RBFOX3: variants seen among roughly 807,000 people sequenced by gnomAD.
RBFOX3 encodes RNA binding fox-1 homolog 3, also known as RNA binding protein fox-1 homolog 3.
Under a neutral mutation model 48.7 loss-of-function variants are expected in RBFOX3, and 17 were observed. The observed-to-expected ratio is 0.35, with a 90% CI of 0.24 to 0.52. The LOEUF is 0.52. Among genes scored for constraint, RBFOX3 ranks in the 20% least tolerant of loss-of-function variants. RBFOX3 has a pLI of 0.94. For synonymous variants in RBFOX3, 212 were observed against 209.5 expected (o/e 1.01, Z -0.10); for missense variants, 382 against 497.5 (o/e 0.77, Z 2.21).
At chr17:79,213,629 C>T (rs1173647376) in intron 4 of RBFOX3, among the ~76,000 whole-genome samples, 1 of 152,220 alleles carries the variant, frequency 6.6e-6, no homozygotes, top group Non-Finnish European at 1.5e-5. Flanking sequence ...CTAAGTCCTT[C>T]CATCTTGGAT....
chr17:79,345,255 G>C (rs747122678), intron 2 of RBFOX3, among the ~76,000 whole-genome samples: 2 of 152,204 alleles, frequency 1.3e-5, no homozygotes, highest in South Asian at 4.1e-4. Context: ...TACGTGCATA[G>C]AGTTGCCTGT....
At chr17:79,462,077 A>G (rs1330767093) in intron 2 of RBFOX3, among the ~76,000 whole-genome samples, 1 of 152,236 alleles carries the variant, frequency 6.6e-6, no homozygotes, top group Non-Finnish European at 1.5e-5. Flanking sequence ...ACCTGCTAAC[A>G]AACTGTACAA....
At chr17:79,124,195 C>T (rs747122459) in intron 4 of RBFOX3, among the ~76,000 whole-genome samples, 33 of 152,326 alleles carry the variant, frequency 2.2e-4, no homozygotes, top group Middle Eastern at 3.4e-3. Context: ...CCACAGGAAT[C>T]GGCAAAGGCT....
chr17:79,094,585 A>G, intron 13 of RBFOX3, 56 bp from the exon 14 acceptor site: 3 of 774,460 alleles, frequency 3.9e-6, no homozygotes, highest in South Asian at 2.2e-5. Context: ...GGGGCAGGTG[A>G]GGGGCAGCAA....
intron 2 of RBFOX3, among the ~76,000 whole-genome samples, chr17:79,467,510 G>A (rs1476297932): frequency 6.6e-6 from 1 of 152,158 alleles, no homozygotes; most frequent in Non-Finnish European, 1.5e-5. Context: ...TGTCCCGGGG[G>A]CATGTCCCAG....
chr17:79,604,218 C>T (rs1197463836), intron 1 of RBFOX3, among the ~76,000 whole-genome samples: 2 of 152,338 alleles, frequency 1.3e-5, no homozygotes, highest in East Asian at 1.9e-4. Flanking sequence ...TGAGTGAAGA[C>T]TCAGCCACAC....
At chr17:79,430,269 CAAATAAATAAATAAAT>C (rs56370699) in intron 2 of RBFOX3, among the ~76,000 whole-genome samples, 7 of 144,016 alleles carry the variant, frequency 4.9e-5, no homozygotes, top group East Asian at 2.0e-4. Flanking sequence ...AAACATCTTC[CAAATAAATAAATAAAT>C]AAATAAATAA....
chr17:79,620,225 GCA>G, the RBFOX3 span, among the ~76,000 whole-genome samples: 14 of 141,172 alleles, frequency 9.9e-5, no homozygotes, highest in East Asian at 4.5e-4. Context: ...ACAGGGACAT[GCA>G]CACACGCACA....
chr17:79,550,106 G>A (rs1285230559), intron 1 of RBFOX3, among the ~76,000 whole-genome samples: 2 of 152,174 alleles, frequency 1.3e-5, no homozygotes, highest in Non-Finnish European at 2.9e-5. Flanking sequence ...TCCCCAGCCA[G>A]GGCCCTGTCA....
intron 3 of RBFOX3, among the ~76,000 whole-genome samples, chr17:79,287,916 C>G (rs1272297243): frequency 6.6e-6 from 1 of 152,188 alleles, no homozygotes. Flanking sequence ...ACGTCGCAGA[C>G]AGTGAGTGCG....
chr17:79,414,754 C>G (rs947890083), intron 2 of RBFOX3, among the ~76,000 whole-genome samples: 21 of 152,140 alleles, frequency 1.4e-4, no homozygotes, highest in African/African-American at 4.6e-4. Flanking sequence ...CACGGGAGGA[C>G]TGAACAGCCT....
chr17:79,414,410 G>C (rs1344074393), intron 2 of RBFOX3, among the ~76,000 whole-genome samples: 1 of 152,150 alleles, frequency 6.6e-6, no homozygotes, highest in East Asian at 1.9e-4. Flanking sequence ...TCCATAGGAA[G>C]ATGGATTAAC....
the RBFOX3 span, among the ~76,000 whole-genome samples, chr17:79,622,280 C>G: frequency 2.6e-5 from 4 of 152,192 alleles, no homozygotes; most frequent in East Asian, 3.9e-4. Flanking sequence ...GTGGCAGGAC[C>G]GAGCCCCCTC....
chr17:79,378,128 T>C (rs557222923), intron 2 of RBFOX3, among the ~76,000 whole-genome samples: 17 of 152,054 alleles, frequency 1.1e-4, no homozygotes, highest in African/African-American at 3.9e-4. Flanking sequence ...ATCCATCTCA[T>C]AGGGGGGGCG....
intron 1 of RBFOX3, chr17:79,599,444 T>C (rs1224855178): frequency 6.6e-6 from 1 of 152,310 alleles, no homozygotes. Flanking sequence ...GGGGTGTACA[T>C]GTGCTCACAC....
At chr17:79,152,338 A>AAGGTGG (rs2044721270) in intron 4 of RBFOX3, among the ~76,000 whole-genome samples, 1 of 152,162 alleles carries the variant, frequency 6.6e-6, no homozygotes, top group African/African-American at 2.4e-5. Flanking sequence ...CGGGTCAGCA[A>AAGGTGG]ACGTGGACAC....
At chr17:79,553,525 T>G (rs1349638848) in intron 1 of RBFOX3, among the ~76,000 whole-genome samples, 1 of 152,262 alleles carries the variant, frequency 6.6e-6, no homozygotes, top group Admixed American at 6.5e-5. Flanking sequence ...TGTGGAACAC[T>G]TTAATTAGCA....
intron 3 of RBFOX3, among the ~76,000 whole-genome samples, chr17:79,269,140 C>T (rs549669971): frequency 5.6e-4 from 85 of 152,340 alleles, no homozygotes; most frequent in African/African-American, 1.6e-3. Context: ...TGCAGGCACA[C>T]GCCAGGAAGA....
intron 4 of RBFOX3, among the ~76,000 whole-genome samples, chr17:79,187,189 C>T (rs73412079): frequency 0.1 from 15,380 of 152,250 alleles, 799 homozygotes; most frequent in South Asian, 0.12. Flanking sequence ...TTGACCCCTA[C>T]CCATGTCCTT....
Sources: allele counts gnomAD v4.1 joint callset (sites outside exome capture counted in the v4.1 genomes callset), GRCh38; gene constraint gnomAD v4.1.1; transcripts MANE v1.5; gene names NCBI Gene and HGNC (gene_info 2026-07-23, HGNC 2026-07-21).